COL22A1: variants seen among roughly 807,000 people sequenced by gnomAD.
COL22A1 encodes collagen type XXII alpha 1 chain.
Under a neutral mutation model 248.9 loss-of-function variants are expected in COL22A1, and 221 were observed. The ratio of observed to expected loss-of-function variants is 0.89; its 90% CI spans 0.80 to 0.99. COL22A1 has a LOEUF of 0.99. Among genes scored for constraint, COL22A1 ranks in the 50% least tolerant of loss-of-function variants. The pLI, the probability that COL22A1 is intolerant of heterozygous loss-of-function variation, is 0.00. For missense variants in COL22A1, 2,240 were observed against 2,179.0 expected, an observed-to-expected ratio of 1.03 and a Z score of -0.56; for synonymous variants, 891 against 793.4, an observed-to-expected ratio of 1.12 and a Z score of -2.07.
At chr8:138,657,690 T>C (rs556036980) in intron 44 of COL22A1, among the ~76,000 whole-genome samples, 2 of 152,148 alleles carry the variant, frequency 1.3e-5, no homozygotes, top group Non-Finnish European at 2.9e-5. Context: ...AGTCAGTCAC[T>C]CATGTCACCT....
At chr8:138,845,254 G>T (rs948246025) in intron 3 of COL22A1, among the ~76,000 whole-genome samples, 5 of 137,030 alleles carry the variant, frequency 3.6e-5, no homozygotes, top group Non-Finnish European at 7.9e-5. Context: ...GGTGGCTCAT[G>T]CCTGTACTTT....
chr8:138,635,212 C>A (rs1821044855), intron 48 of COL22A1, 149 bp from the exon 49 acceptor site: 2 of 583,864 alleles, frequency 3.4e-6, no homozygotes, highest in African/African-American at 3.8e-5. Context: ...AAAGGGACTT[C>A]TTTTTATATA....
intron 50 of COL22A1, among the ~76,000 whole-genome samples, chr8:138,629,549 A>G (rs1049974474): frequency 1.3e-5 from 2 of 152,180 alleles, no homozygotes; most frequent in African/African-American, 4.8e-5. Flanking sequence ...GAGGATCCTA[A>G]ACAGAACCAT....
intron 4 of COL22A1, among the ~76,000 whole-genome samples, chr8:138,841,048 ATTC>A (rs1820845664): frequency 6.6e-6 from 1 of 152,044 alleles, no homozygotes; most frequent in Non-Finnish European, 1.5e-5. Context: ...CCTTCCTTCC[ATTC>A]TTCTTTCTCC....
chr8:138,746,893 C>A (rs1399494462), intron 22 of COL22A1, among the ~76,000 whole-genome samples: 1 of 152,192 alleles, frequency 6.6e-6, no homozygotes, highest in African/African-American at 2.4e-5. Flanking sequence ...AACTGGCCTC[C>A]TTCCTGCAGT....
intron 50 of COL22A1, among the ~76,000 whole-genome samples, chr8:138,628,764 T>TTTTA (rs1296642730): frequency 6.1e-5 from 2 of 33,040 alleles, no homozygotes; most frequent in African/African-American, 8.0e-5. Flanking sequence ...CCACATCTTT[T>TTTTA]TTTTTTTTTT....
chr8:138,623,829 G>C, intron 51 of COL22A1, 44 bp from the exon 52 acceptor site: 1 of 1,563,668 alleles, frequency 6.4e-7, no homozygotes, highest in South Asian at 1.2e-5. Context: ...AAGAAGATTC[G>C]AGGGGATGGA....
At chr8:138,883,518 C>T (rs1242116161) in intron 1 of COL22A1, among the ~76,000 whole-genome samples, 6 of 152,304 alleles carry the variant, frequency 3.9e-5, no homozygotes, top group Non-Finnish European at 7.4e-5. Flanking sequence ...GAGGACTCCA[C>T]ACCACATCCC....
At chr8:138,771,249 G>A (rs1326031904) in intron 16 of COL22A1, among the ~76,000 whole-genome samples, 1 of 152,176 alleles carries the variant, frequency 6.6e-6, no homozygotes, top group African/African-American at 2.4e-5. Flanking sequence ...CCCAAAGGAA[G>A]CTCCCACAGC....
chr8:138,863,986 TC>T (rs1822679610), intron 3 of COL22A1, among the ~76,000 whole-genome samples: 1 of 151,928 alleles, frequency 6.6e-6, no homozygotes, highest in South Asian at 2.1e-4. Context: ...TCCATTTTGT[TC>T]CCCCTCCCCA....
At chr8:138,642,408 C>T (rs1167162801) in intron 47 of COL22A1, among the ~76,000 whole-genome samples, 2 of 152,196 alleles carry the variant, frequency 1.3e-5, no homozygotes, top group Admixed American at 6.5e-5. Flanking sequence ...AACGCAACTG[C>T]CTGGGGCTCA....
At chr8:138,908,280 T>A (rs1156240052) in intron 1 of COL22A1, among the ~76,000 whole-genome samples, 1 of 152,248 alleles carries the variant, frequency 6.6e-6, no homozygotes. Context: ...TTGATGTAGA[T>A]GTTTGGATAT....
intron 3 of COL22A1, among the ~76,000 whole-genome samples, chr8:138,852,088 G>C: frequency 6.6e-6 from 1 of 152,152 alleles, no homozygotes; most frequent in East Asian, 1.9e-4. Context: ...GAAAGGACCT[G>C]GAGGTGAGGA....
chr8:138,711,838 C>T (rs1312204901), intron 30 of COL22A1, among the ~76,000 whole-genome samples: 36 of 152,204 alleles, frequency 2.4e-4, no homozygotes, highest in Non-Finnish European at 1.5e-5. Context: ...GGTGCCATTC[C>T]TCCTGAGGCA....
chr8:138,650,310 G>A lies in COL22A1; in HGVS notation c.3334-532C>T, dbSNP rs902442698. On this transcript the variant is annotated intron_variant, in intron 45 of 64. Transcript: ENST00000303045. ...GACTTTGTTTCTGTGATACAATGCC[G>A]ACTCTGACCATGCTTAGCTTTATTT... Among the ~76,000 whole-genome samples the A allele has an allele frequency of 5.3e-5, 8 of 152,264 alleles. No individual in the cohort carries two copies. The South Asian group carries it at 1.0e-3, about 20-fold the overall frequency.
At chr8:138,762,146 C>T (rs1833538767) in intron 17 of COL22A1, among the ~76,000 whole-genome samples, 1 of 152,162 alleles carries the variant, frequency 6.6e-6, no homozygotes, top group African/African-American at 2.4e-5. Flanking sequence ...TGAAAACGTG[C>T]GCGTGGTCAG....
intron 3 of COL22A1, among the ~76,000 whole-genome samples, chr8:138,865,508 T>C (rs1487737868): frequency 6.6e-6 from 1 of 151,632 alleles, no homozygotes; most frequent in African/African-American, 2.4e-5. Flanking sequence ...TGTGTATGTT[T>C]GTATGCCTGT....
rs1459028349 is a variant in COL22A1, at chr8:138,877,695, C to G, written c.658+55G>C. ...TCTGCCCGAGGACCCCTCCCGTGGGCTCAGCAGGGGGCGTCACTCTTGGGA... is the reference window on the plus strand; with the variant it reads ...TCTGCCCGAGGACCCCTCCCGTGGGGTCAGCAGGGGGCGTCACTCTTGGGA... On this transcript the variant is annotated intron_variant, in intron 3 of 64. Transcript: ENST00000303045. 121 of 1,494,288 alleles carry G rather than the reference C, an allele frequency of 8.1e-5. No homozygotes were observed. The East Asian group carries it at 2.8e-3, about 35-fold the overall frequency. 92.6% of individuals were successfully genotyped at this position (1,494,288 alleles called of 1,614,324 possible).
At chr8:138,811,973 T>C in intron 8 of COL22A1, 52 bp from the exon 9 acceptor site, 2 of 1,491,444 alleles carry the variant, frequency 1.3e-6, no homozygotes, top group African/African-American at 2.8e-5. Context: ...CAGCAGGCAC[T>C]CCCTGGCAGA....
Sources: gnomAD v4.1 joint callset for allele counts (sites outside exome capture counted in the v4.1 genomes callset) on GRCh38, gnomAD v4.1.1 for gene constraint, MANE v1.5 for transcripts, NCBI Gene and HGNC (gene_info 2026-07-23, HGNC 2026-07-21) for gene names.